PCDH10: variants seen among roughly 807,000 people sequenced by gnomAD.
PCDH10 encodes the protein protocadherin 10, also known as protocadherin-10.
Under a neutral mutation model 74.4 loss-of-function variants are expected in PCDH10, and 15 were observed. The ratio of observed to expected loss-of-function variants is 0.20; its 90% CI spans 0.13 to 0.31. The LOEUF is 0.31. PCDH10 is among the 10% of genes least tolerant of loss of function. The pLI is 1.00. For synonymous variants in PCDH10, 619 were observed against 589.8 expected (o/e 1.05, Z -0.72); for missense variants, 1,260 against 1,390.2 (o/e 0.91, Z 1.49).
intron 4 of PCDH10, 68 bp downstream of exon 4, chr4:133,163,350 T>G: frequency 7.2e-7 from 1 of 1,383,882 alleles, no homozygotes; most frequent in Non-Finnish European, 9.8e-7. Flanking sequence ...CATTCCACTC[T>G]TTTTGGTAAA....
At chr4:133,187,783 G>A (rs1369858802) in intron 4 of PCDH10, among the ~76,000 whole-genome samples, 1 of 151,948 alleles carries the variant, frequency 6.6e-6, no homozygotes, top group Non-Finnish European at 1.5e-5. Flanking sequence ...TCTTAAAACT[G>A]TGAACCATTT....
At chr4:133,184,132 C>A (rs1189301549) in intron 4 of PCDH10, among the ~76,000 whole-genome samples, 1 of 151,954 alleles carries the variant, frequency 6.6e-6, no homozygotes, top group African/African-American at 2.4e-5. Flanking sequence ...ACAAGATTTG[C>A]TTTCTAAAAG....
rs933274985 is a variant in PCDH10, at chr4:133,152,328, C to G, written c.2188C>G (p.Leu730Val). ...IALGSVSFIF[L>V]LAMIVLAVRC... ...GTTGGGCTCGGTGTCCTTCATCTTC[C>G]TGCTGGCCATGATCGTGCTGGCCGT... The change falls in exon 1 of 5, where the codon CTG becomes GTG. Residue 730 changes from leucine (L) to valine (V), a missense_variant. By Grantham distance (32) the Leu-to-Val change is conservative. This residue lies in a region of PCDH10 where 587 missense variants were observed against 616.9 expected (regional missense o/e 0.95). Coordinates refer to ENST00000264360, the MANE Select transcript of PCDH10 (RefSeq NM_032961.3). The G allele has an allele frequency of 1.2e-6, 2 of 1,614,088 alleles. No homozygotes were observed. Among genetic ancestry groups the G allele is most frequent in the Non-Finnish European group, 1.7e-6 (2 of 1,180,050 alleles).
At chr4:133,180,829 C>G (rs544940212) in intron 4 of PCDH10, among the ~76,000 whole-genome samples, 1 of 151,742 alleles carries the variant, frequency 6.6e-6, no homozygotes, top group Non-Finnish European at 1.5e-5. Context: ...ATTTAAGGAT[C>G]TAAATCTTGG....
At chr4:133,160,621 A>G (rs1377238683) in intron 3 of PCDH10, among the ~76,000 whole-genome samples, 4 of 150,134 alleles carry the variant, frequency 2.7e-5, no homozygotes, top group South Asian at 2.1e-4. Context: ...ATCCTAATAT[A>G]TGTTGACATA....
intron 3 of PCDH10, among the ~76,000 whole-genome samples, chr4:133,160,437 T>C (rs1726943910): frequency 6.6e-6 from 1 of 151,558 alleles, no homozygotes. Context: ...CATGCTATAG[T>C]TTATTTTTAA....
rs897138705 is a variant in PCDH10 at position 133,190,820 on chromosome 4, G to T, written c.*660G>T. On this transcript the variant is annotated 3_prime_UTR_variant, in exon 5 of 5. Coordinates refer to ENST00000264360, the MANE Select transcript of PCDH10 (RefSeq NM_032961.3). ...CAACTCAGTTGGTTTTTAAATGGAT[G>T]CATACAGTCCACATCATACAATAAA... 1.3e-5 allele frequency: 2 copies of T among 151,538 alleles called. No individual in the cohort carries two copies. The highest frequency in any genetic ancestry group is 4.8e-5 in the African/African-American group (2 of 41,286). 9.4% of individuals were successfully genotyped at this position (151,538 alleles called of 1,614,324 possible). A position where few individuals can be genotyped will look rare whatever the true frequency, so the allele number is the denominator to read the frequency against.
At chr4:133,156,696 C>T (rs1726871090) in intron 3 of PCDH10, among the ~76,000 whole-genome samples, 1 of 152,146 alleles carries the variant, frequency 6.6e-6, no homozygotes, top group Admixed American at 6.5e-5. Context: ...CATTTTACTC[C>T]TTTCCCACCC....
At chr4:133,174,756 A>T (rs902087234) in intron 4 of PCDH10, among the ~76,000 whole-genome samples, 1 of 151,636 alleles carries the variant, frequency 6.6e-6, no homozygotes, top group Non-Finnish European at 1.5e-5. Context: ...CTAATGATTG[A>T]GGAAATCTAT....
At chr4:133,195,512 C>G (rs940537222), downstream of PCDH10, among the ~76,000 whole-genome samples, 3 of 152,002 alleles carry the variant, frequency 2.0e-5, no homozygotes, top group African/African-American at 7.2e-5. Flanking sequence ...GAAATATAGA[C>G]TCTTTAAGAT....
At chr4:133,176,132 A>G (rs562278706) in intron 4 of PCDH10, among the ~76,000 whole-genome samples, 2 of 152,114 alleles carry the variant, frequency 1.3e-5, no homozygotes, top group Non-Finnish European at 2.9e-5. Context: ...TATCATTTTT[A>G]TTTTGTTCTC....
At chr4:133,196,828 T>A (rs1167956302), downstream of PCDH10, among the ~76,000 whole-genome samples, 2 of 152,208 alleles carry the variant, frequency 1.3e-5, no homozygotes, top group African/African-American at 4.8e-5. Context: ...TCAGTTAAAA[T>A]TTTGCAATGG....
At chr4:133,181,657 T>C (rs572910654) in intron 4 of PCDH10, among the ~76,000 whole-genome samples, 11 of 152,114 alleles carry the variant, frequency 7.2e-5, no homozygotes, top group African/African-American at 2.4e-4. Flanking sequence ...GGTTGTTTTT[T>C]CTGCATCTCT....
Position 133,150,813 on chromosome 4 carries a change from C to T in PCDH10, c.673C>T (p.Pro225Ser), listed in dbSNP as rs756419250. ...GGGAGGTGGCGGGGGAGCAGGCCTG[C>T]CCCCCCAGCAGCAGCGCACCGGCAC... is the stretch of plus-strand genomic sequence containing the variant. Reference protein sequence around the residue: ...GGGGGGGAGLPPQQQRTGTAL... With the variant: ...GGGGGGGAGLSPQQQRTGTAL... Residue 225 changes from proline to serine, a missense_variant, in exon 1 of 5, where the codon CCC (proline) becomes TCC (serine). By Grantham distance (74) the Pro-to-Ser change is moderately conservative. This residue lies in a region of PCDH10 where 192 missense variants were observed against 161.2 expected (regional missense o/e 1.19). Transcript: ENST00000264360. 2.5e-6 allele frequency: 4 copies of T among 1,584,514 alleles called. No individual in the cohort carries two copies. The highest frequency in any genetic ancestry group is 1.2e-5 in the South Asian group (1 of 86,766).
intron 4 of PCDH10, among the ~76,000 whole-genome samples, chr4:133,174,888 T>G (rs957044562): frequency 6.6e-6 from 1 of 151,572 alleles, no homozygotes; most frequent in East Asian, 1.9e-4. Context: ...TTAGAATTAT[T>G]TTTAGAAAAT....
rs997547342 is a variant in PCDH10 at position 133,150,819 on chromosome 4, C to G, written c.679C>G (p.Gln227Glu). 9 of 1,588,714 alleles carry G rather than the reference C, an allele frequency of 5.7e-6. No homozygotes were observed. The highest frequency in any genetic ancestry group is 1.3e-5 in the African/African-American group (1 of 74,752). ...GGGGGAGLPP[Q>E]QQRTGTALLT... is the part of the protein sequence containing the mutation. ...TGGCGGGGGAGCAGGCCTGCCCCCC[C>G]AGCAGCAGCGCACCGGCACGGCCCT... The change falls in exon 1 of 5, where the codon CAG (glutamine) becomes GAG (glutamate). Residue 227 changes from glutamine (Q) to glutamate (E), a missense_variant. By Grantham distance (29) the Gln-to-Glu change is conservative (BLOSUM62 2). This residue lies in a region of PCDH10 where 192 missense variants were observed against 161.2 expected (regional missense o/e 1.19). Coordinates refer to ENST00000264360, the MANE Select transcript of PCDH10 (RefSeq NM_032961.3).
intron 4 of PCDH10, among the ~76,000 whole-genome samples, chr4:133,177,380 A>C (rs1375370918): frequency 1.3e-5 from 2 of 152,146 alleles, no homozygotes; most frequent in Non-Finnish European, 2.9e-5. Flanking sequence ...AAATAGTGTC[A>C]CAAACCCCTT....
chr4:133,149,954 G>A lies in PCDH10; in HGVS notation c.-187G>A. The A allele has an allele frequency of 1.4e-6, 1 of 719,558 alleles. No homozygotes were observed. The highest frequency in any genetic ancestry group is 2.0e-6 in the Non-Finnish European group (1 of 493,892). The allele number at this position is 719,558 out of a possible 1,614,324, so 44.6% of individuals were successfully genotyped here. A position where few individuals can be genotyped will look rare whatever the true frequency, so the allele number is the denominator to read the frequency against. The stretch of plus-strand genomic sequence containing the variant: ...TGTGCTAAGATTTAAAAAAAAATGA[G>A]GCTGGATTGCGGGAAGCTCTAAAAT... On this transcript the variant is annotated 5_prime_UTR_variant, in exon 1 of 5. Transcript: ENST00000264360.
chr4:133,204,086 T>C (rs1186533926), intron 2 of PCDH10, among the ~76,000 whole-genome samples: 1 of 152,130 alleles, frequency 6.6e-6, no homozygotes, highest in Non-Finnish European at 1.5e-5. Context: ...GCCTTGACCA[T>C]GGGCTGCCAT....
Sources: allele counts gnomAD v4.1 joint callset (sites outside exome capture counted in the v4.1 genomes callset), GRCh38; gene constraint gnomAD v4.1.1; regional missense constraint gnomAD v4.1.1; transcripts MANE v1.5; gene names NCBI Gene and HGNC (gene_info 2026-07-23, HGNC 2026-07-21).